The following ATP1A2 variants were observed in gnomAD, a reference collection of about 807,000 sequenced individuals.
The protein encoded by ATP1A2 is ATPase Na+/K+ transporting subunit alpha 2.
A neutral mutation model predicts 113.1 loss-of-function variants in ATP1A2; 56 were observed. The observed-to-expected ratio is 0.49, with a 90% CI of 0.40 to 0.62. The LOEUF (loss-of-function observed/expected upper bound fraction) is 0.62. ATP1A2 is among the 20% of genes least tolerant of loss of function. The pLI, the probability that ATP1A2 is intolerant of heterozygous loss-of-function variation, is 0.00. For missense variants in ATP1A2, 712 were observed against 1,357.8 expected, an observed-to-expected ratio of 0.52 and a Z score of 7.47; for synonymous variants, 490 against 526.8, an observed-to-expected ratio of 0.93 and a Z score of 0.96.
At position 160,124,426 on chromosome 1, in the gene ATP1A2, G is replaced by A. The variant is rs1191082533; in HGVS notation, c.626G>A (p.Cys209Tyr). The A allele has an allele frequency of 3.1e-6, 5 of 1,606,590 alleles. No homozygotes were observed. The highest frequency in any genetic ancestry group is 4.2e-6 in the Non-Finnish European group (5 of 1,176,592). ...ADLRIISSHG[C>Y]KVDNSSLTGE... The stretch of plus-strand genomic sequence containing the variant: ...CTCCGGATCATCTCTTCTCATGGCT[G>A]TAAGGTGAGGAGGTCATACCAGAGC... The change falls in exon 6 of 23, where the codon TGT (cysteine) becomes TAT (tyrosine). Residue 209 changes from cysteine to tyrosine, a missense_variant. Physicochemically the swap from Cys to Tyr is radical, Grantham distance 194. Around this residue, in one of 6 missense-constraint regions of ATP1A2, gnomAD observed 99 missense variants for 180.4 expected, o/e 0.55. Transcript: ENST00000361216.
chr1:160,136,398 GA>G, intron 18 of ATP1A2, 28 bp downstream of exon 18: 3 of 1,613,562 alleles, frequency 1.9e-6, no homozygotes, highest in Non-Finnish European at 1.7e-6. Flanking sequence ...CCTCGGGAGG[GA>G]ACCCCAACAG....
At chr1:160,124,196 T>A (rs1349899794) in intron 5 of ATP1A2, 100 bp from the exon 6 acceptor site, 1 of 1,553,220 alleles carries the variant, frequency 6.4e-7, no homozygotes, top group Non-Finnish European at 8.7e-7. Context: ...CCTAATTGTT[T>A]ATGGGGCTTC....
rs1355802220 is a variant in ATP1A2, at chr1:160,115,791, C to T, written c.-71C>T. On this transcript the variant is annotated 5_prime_UTR_variant, in exon 1 of 23. In the 5' UTR this introduces an upstream ATG that the reference lacks. Coordinates refer to ENST00000361216, the MANE Select transcript of ATP1A2 (RefSeq NM_000702.4). Reference sequence around the variant, plus strand: ...TGCCAGGGTCTCCGACTGTCCCAGACGGGCTGGTGTGGGCTTGGGATCCTC... The same window carrying T: ...TGCCAGGGTCTCCGACTGTCCCAGATGGGCTGGTGTGGGCTTGGGATCCTC... The T allele has an allele frequency of 5.8e-6, 9 of 1,555,380 alleles. No homozygotes were observed. Among genetic ancestry groups the T allele is most frequent in the African/African-American group, 1.4e-5 (1 of 73,706 alleles).
chr1:160,123,030 C>G (rs1160122239), intron 3 of ATP1A2, among the ~76,000 whole-genome samples, 183 bp from the exon 4 acceptor site: 1 of 152,158 alleles, frequency 6.6e-6, no homozygotes, highest in Non-Finnish European at 1.5e-5. Flanking sequence ...TCAAGCCCTC[C>G]AAGTTGCATC....
chr1:160,137,745 G>T (rs1166145030), intron 20 of ATP1A2, among the ~76,000 whole-genome samples: 1 of 152,078 alleles, frequency 6.6e-6, no homozygotes, highest in South Asian at 2.1e-4. Flanking sequence ...GTTTCATGCT[G>T]GTTCCTTTTA....
At position 160,128,400 on chromosome 1, in the gene ATP1A2, T is replaced by C. The variant is rs1169199160; in HGVS notation, c.1018-252T>C. On this transcript the variant is annotated intron_variant, in intron 8 of 22. Coordinates refer to ENST00000361216, the MANE Select transcript of ATP1A2 (RefSeq NM_000702.4). Reference sequence around the variant, plus strand: ...GTTGATGACTCAGACATCCCTATGCTCAGCTCTGCTCTGGCCCTCTCTGGA... The same window carrying C: ...GTTGATGACTCAGACATCCCTATGCCCAGCTCTGCTCTGGCCCTCTCTGGA... The C allele has an allele frequency of 6.6e-6, 7 of 1,053,640 alleles. No individual in the cohort carries two copies. The East Asian group carries it at 1.4e-4, about 21-fold the overall frequency. 65.3% of individuals were successfully genotyped at this position (1,053,640 alleles called of 1,614,324 possible). A position where few individuals can be genotyped will look rare whatever the true frequency, so the allele number is the denominator to read the frequency against.
At position 160,135,579 on chromosome 1, in the gene ATP1A2, C is replaced by T; in HGVS notation, c.2261C>T (p.Ser754Phe). ...ATCCTGCTGGATGACAACTTTGCCTCCATCGTCACGGGGGTGGAGGAGGGT... is the reference window on the plus strand; with the variant it reads ...ATCCTGCTGGATGACAACTTTGCCTTCATCGTCACGGGGGTGGAGGAGGGT... ...DMILLDDNFA[S>F]IVTGVEEGRL... Residue 754 changes from serine to phenylalanine, a missense_variant, in exon 16 of 23, where the codon TCC becomes TTC. Physicochemically the swap from Ser to Phe is radical, Grantham distance 155. Around this residue, in one of 6 missense-constraint regions of ATP1A2, gnomAD observed 188 missense variants for 438.9 expected, o/e 0.43. Transcript: ENST00000361216. This position sits in a 1 kb window ranked among gnomAD's most constrained non-coding sequence, Gnocchi z 6.3. The T allele has an allele frequency of 6.2e-7, 1 of 1,614,090 alleles. No individual in the cohort carries two copies. Among genetic ancestry groups the T allele is most frequent in the African/African-American group, 1.3e-5 (1 of 75,036 alleles).
rs55845795 is a variant in ATP1A2, at chr1:160,142,869, G to T, written c.*1547G>T. 0.1 allele frequency: 15,919 copies of T among 152,120 alleles called. 1,067 individuals are homozygous for T. The highest frequency in any genetic ancestry group is 0.14 in the Non-Finnish European group (9,487 of 67,978). 9.4% of individuals were successfully genotyped at this position (152,120 alleles called of 1,614,324 possible). On this transcript the variant is annotated 3_prime_UTR_variant, in exon 23 of 23. Transcript: ENST00000361216. Reference sequence around the variant, plus strand: ...GCAGGGCTGTTCCCTCCAGGCAAATGCCCTTCAAACCGACGATCATTGTGC... The same window carrying T: ...GCAGGGCTGTTCCCTCCAGGCAAATTCCCTTCAAACCGACGATCATTGTGC...
intron 22 of ATP1A2, 55 bp downstream of exon 22, chr1:160,140,039 C>T (rs868314840): frequency 6.5e-7 from 1 of 1,545,988 alleles, no homozygotes; most frequent in Non-Finnish European, 8.9e-7. Flanking sequence ...CCAGCTCCTC[C>T]CTCCAGGACC....
chr1:160,117,323 TC>T (rs959924180), intron 1 of ATP1A2, among the ~76,000 whole-genome samples: 4 of 152,004 alleles, frequency 2.6e-5, no homozygotes, highest in African/African-American at 9.7e-5. Flanking sequence ...GCCCTCCATT[TC>T]CCCCATCCAA....
chr1:160,127,432 T>C, intron 7 of ATP1A2, 120 bp from the exon 8 acceptor site: 1 of 1,438,228 alleles, frequency 7.0e-7, no homozygotes, highest in Non-Finnish European at 9.5e-7. Flanking sequence ...GAATGTGGCC[T>C]CCAGATCTGC....
At chr1:160,118,460 G>A (rs1222376036) in intron 1 of ATP1A2, among the ~76,000 whole-genome samples, 2 of 152,140 alleles carry the variant, frequency 1.3e-5, no homozygotes, top group African/African-American at 4.8e-5. Flanking sequence ...GTTAGTGAAT[G>A]TAAAGCATTT....
At chr1:160,127,519 A>G (rs1469059703) in intron 7 of ATP1A2, 33 bp from the exon 8 acceptor site, 4 of 1,613,698 alleles carry the variant, frequency 2.5e-6, no homozygotes, top group East Asian at 4.5e-5. Context: ...GGGAGCCACA[A>G]GGCACCCAAC....
chr1:160,127,910 C>G, intron 8 of ATP1A2, 90 bp downstream of exon 8: 1 of 1,492,196 alleles, frequency 6.7e-7, no homozygotes, highest in Non-Finnish European at 9.0e-7. Flanking sequence ...TAGCTTCTCA[C>G]TACTTTTTCC....
At chr1:160,137,294 T>A in intron 20 of ATP1A2, 1 of 512,264 alleles carries the variant, frequency 2.0e-6, no homozygotes, top group Non-Finnish European at 3.5e-6. Context: ...ATCTCCTACT[T>A]GAGTGCCACC....
intron 7 of ATP1A2, among the ~76,000 whole-genome samples, chr1:160,127,157 A>C (rs1022680750): frequency 2.6e-5 from 4 of 152,218 alleles, no homozygotes; most frequent in Non-Finnish European, 5.9e-5. Context: ...GTTGAGAAAG[A>C]AAATCTTAAG....
intron 17 of ATP1A2, 25 bp from the exon 18 acceptor site, chr1:160,136,222 C>T: frequency 6.2e-7 from 1 of 1,614,068 alleles, no homozygotes; most frequent in Middle Eastern, 1.6e-4. Context: ...AATGCCCTCC[C>T]TGCCCCATTT....
chr1:160,117,088 G>A (rs1221808578), intron 1 of ATP1A2, among the ~76,000 whole-genome samples: 1 of 152,142 alleles, frequency 6.6e-6, no homozygotes, highest in Non-Finnish European at 1.5e-5. Context: ...CTTCAAGCCT[G>A]CACAAGCATA....
intron 20 of ATP1A2, 34 bp from the exon 21 acceptor site, chr1:160,139,606 C>A: frequency 6.3e-7 from 1 of 1,596,888 alleles, no homozygotes; most frequent in Non-Finnish European, 8.6e-7. Flanking sequence ...CCATGATCCC[C>A]CTTCACCTGC....
Sources: gnomAD v4.1 joint callset for allele counts (sites outside exome capture counted in the v4.1 genomes callset) on GRCh38, gnomAD v4.1.1 for gene constraint, gnomAD v4.1.1 regional missense constraint, Gnocchi (gnomAD v3.1) non-coding constraint, MANE v1.5 for transcripts, NCBI Gene and HGNC (gene_info 2026-07-23, HGNC 2026-07-21) for gene names.